Variants in MCF2 observed in about 807,000 individuals in gnomAD.
MCF2 encodes the protein MCF.2 cell line derived transforming sequence.
Under a neutral mutation model 82.5 loss-of-function variants are expected in MCF2, and 44 were observed. The observed-to-expected ratio is 0.53, with a 90% CI of 0.42 to 0.69. The LOEUF is 0.69. Ranked by LOEUF, MCF2 falls within the 30% of genes least tolerant of loss-of-function variation. The pLI, the probability that MCF2 is intolerant of heterozygous loss-of-function variation, is 0.00. For synonymous variants in MCF2, 217 were observed against 224.9 expected (o/e 0.96, Z 0.32); for missense variants, 623 against 663.1 (o/e 0.94, Z 0.66).
chrX:139,657,081 A>T (rs754572666), intron 1 of MCF2, among the ~76,000 whole-genome samples: 7 of 112,049 alleles, frequency 6.2e-5, no homozygotes, highest in Non-Finnish European at 1.3e-4. Flanking sequence ...AATCTGATAA[A>T]CACCCTTAAA....
At chrX:139,690,520 C>T (rs370248408) in intron 1 of MCF2, among the ~76,000 whole-genome samples, 34 of 109,835 alleles carry the variant, frequency 3.1e-4, no homozygotes, top group East Asian at 2.9e-3. Context: ...ACCACATTGC[C>T]CTTAATGATT....
intron 1 of MCF2, among the ~76,000 whole-genome samples, chrX:139,699,064 T>A (rs1247255923): frequency 8.9e-6 from 1 of 111,819 alleles, no homozygotes; most frequent in Non-Finnish European, 1.9e-5. Flanking sequence ...AAAGCATAAC[T>A]AGATCTAGAC....
intron 1 of MCF2, among the ~76,000 whole-genome samples, chrX:139,687,641 T>C (rs1935158096): frequency 8.9e-6 from 1 of 112,909 alleles, no homozygotes; most frequent in South Asian, 3.6e-4. Flanking sequence ...GTCTGAGAAA[T>C]GCAGTGGATA....
At chrX:139,633,549 C>T (rs750079164) in intron 1 of MCF2, among the ~76,000 whole-genome samples, 7 of 110,997 alleles carry the variant, frequency 6.3e-5, no homozygotes, top group Non-Finnish European at 1.1e-4. Flanking sequence ...AACTACTCCA[C>T]CTCCTGAAAA....
chrX:139,657,713 T>C (rs891280289), intron 1 of MCF2, among the ~76,000 whole-genome samples: 1 of 112,089 alleles, frequency 8.9e-6, no homozygotes, highest in Non-Finnish European at 1.9e-5. Flanking sequence ...GGGCTATGTA[T>C]GCAGTATTTC....
intron 1 of MCF2, among the ~76,000 whole-genome samples, chrX:139,636,413 T>C (rs1420995759): frequency 8.9e-6 from 1 of 111,848 alleles, no homozygotes; most frequent in Admixed American, 9.5e-5. Context: ...TTTCATGGAT[T>C]CTAAGTTGAT....
chrX:139,651,883 T>A (rs2148527843), intron 1 of MCF2, 95 bp from the exon 2 acceptor site: 1 of 521,945 alleles, frequency 1.9e-6, no homozygotes, highest in Admixed American at 3.3e-5. Context: ...CTAAAATTAT[T>A]CTGGGAGCCC....
intron 6 of MCF2, among the ~76,000 whole-genome samples, chrX:139,622,205 G>A (rs1480078522): frequency 8.9e-6 from 1 of 111,748 alleles, no homozygotes; most frequent in Non-Finnish European, 1.9e-5. Flanking sequence ...AGTTAGAATG[G>A]CGATCATTAA....
chrX:139,629,489 T>C (rs1214042691), intron 4 of MCF2, among the ~76,000 whole-genome samples: 2 of 112,118 alleles, frequency 1.8e-5, no homozygotes, highest in Non-Finnish European at 3.8e-5. Context: ...CTCAAATTAA[T>C]GCACCATTTA....
intron 22 of MCF2, 68 bp from the exon 27 acceptor site, chrX:139,586,555 G>C (rs1195231740): frequency 1.4e-6 from 1 of 732,165 alleles, no homozygotes; most frequent in African/African-American, 2.1e-5. Flanking sequence ...AATTTAAAGT[G>C]GTATTTCTTC....
chrX:139,657,953 G>A (rs142125861), intron 1 of MCF2, among the ~76,000 whole-genome samples: 10,808 of 111,205 alleles, frequency 0.097, 434 homozygotes, highest in South Asian at 0.22. Context: ...TTCAAACAAA[G>A]GCCAAGCTGC....
chrX:139,637,018 C>T (rs1933263855), intron 1 of MCF2, among the ~76,000 whole-genome samples: 1 of 111,458 alleles, frequency 9.0e-6, no homozygotes, highest in Non-Finnish European at 1.9e-5. Context: ...TCACAAAAAG[C>T]CCAGAAAAAC....
intron 1 of MCF2, among the ~76,000 whole-genome samples, chrX:139,663,079 C>T (rs1031552048): frequency 8.9e-6 from 1 of 112,060 alleles, no homozygotes; most frequent in Non-Finnish European, 1.9e-5. Context: ...ATTTTTCTAT[C>T]GTGAATAATG....
chrX:139,594,527 A>G (rs1398027807), intron 19 of MCF2, among the ~76,000 whole-genome samples: 1 of 110,902 alleles, frequency 9.0e-6, no homozygotes, highest in Non-Finnish European at 1.9e-5. Context: ...AGCCATATGT[A>G]GAAAGCTGAA....
intron 1 of MCF2, among the ~76,000 whole-genome samples, chrX:139,704,402 C>A (rs1047731479): frequency 1.1e-4 from 12 of 112,274 alleles, no homozygotes; most frequent in Admixed American, 1.9e-4. Flanking sequence ...ATATGATTGG[C>A]TTATAAATTT....
At chrX:139,700,994 T>C (rs1935482471) in intron 1 of MCF2, among the ~76,000 whole-genome samples, 1 of 110,716 alleles carries the variant, frequency 9.0e-6, no homozygotes, top group African/African-American at 3.3e-5. Context: ...GTGGGAAAAG[T>C]CCCTCCTGCC....
exon 4 of MCF2, chrX:139,629,822 G>C (rs772243393): frequency 3.3e-6 from 4 of 1,208,369 alleles, no homozygotes; most frequent in Non-Finnish European, 2.2e-6. Context: ...TTCTTTCACT[G>C]TGAGGGCAAA....
At chrX:139,611,136 G>A (rs2148448217) in intron 10 of MCF2, among the ~76,000 whole-genome samples, 1 of 111,557 alleles carries the variant, frequency 9.0e-6, no homozygotes, top group Admixed American at 9.5e-5. Context: ...TAATTCTCAG[G>A]GCTGCTGAAA....
intron 10 of MCF2, 77 bp from the exon 14 acceptor site, chrX:139,613,340 T>C (rs1487941325): frequency 6.5e-6 from 5 of 764,277 alleles, no homozygotes; most frequent in African/African-American, 4.2e-5. Context: ...AATGTGCTAA[T>C]GAGTGACTAA....
Sources: gnomAD v4.1 joint callset for allele counts (sites outside exome capture counted in the v4.1 genomes callset) on GRCh38, gnomAD v4.1.1 for gene constraint, MANE v1.5 for transcripts, NCBI Gene and HGNC (gene_info 2026-07-23, HGNC 2026-07-21) for gene names.